Variants in RNF144B observed in about 807,000 individuals in gnomAD.
RNF144B encodes the protein E3 ubiquitin-protein ligase RNF144B.
In RNF144B, 25 loss-of-function variants were observed where a neutral mutation model predicts 40.2. The ratio of observed to expected loss-of-function variants is 0.62; its 90% CI spans 0.45 to 0.87. RNF144B has a LOEUF of 0.87. RNF144B is among the 40% of genes least tolerant of loss of function. RNF144B has a pLI of 0.00. For missense variants in RNF144B, 365 were observed against 373.7 expected (o/e 0.98, Z 0.19); for synonymous variants, 145 against 136.3 (o/e 1.06, Z -0.44).
rs749812280 is a variant in RNF144B at position 18,434,422 on chromosome 6, G to A, written c.271-5262G>A. Among the ~76,000 whole-genome samples, 4 of 151,922 alleles carry A rather than the reference G, an allele frequency of 2.6e-5. No homozygotes were observed. Among genetic ancestry groups the A allele is most frequent in the Non-Finnish European group, 5.9e-5 (4 of 68,004 alleles). On this transcript the variant is annotated intron_variant, in intron 3 of 7. Coordinates refer to ENST00000259939, the MANE Select transcript of RNF144B (RefSeq NM_182757.4). The surrounding 1 kb of genome is among the most constrained non-coding windows in gnomAD (Gnocchi z 4.1). ...TGATGCTTGTTTAAATATTATGATC[G>A]TGGTTAATACTGATTAACAGGTGTG...
Position 18,416,191 on chromosome 6 carries a change from C to G in RNF144B, c.166-11390C>G, listed in dbSNP as rs1420792691. The stretch of plus-strand genomic sequence containing the variant: ...AAGATAGCACCTGGGCCAGAGGGAT[C>G]TCTTTGGGATTAGTATAAAAAGTGG... On this transcript the variant is annotated intron_variant, in intron 2 of 7. Transcript: ENST00000259939. The surrounding 1 kb of genome is among the most constrained non-coding windows in gnomAD (Gnocchi z 5.5). 6.6e-6 allele frequency among the ~76,000 whole-genome samples: 1 copy of G among 152,156 alleles called. No individual in the cohort carries two copies. Among genetic ancestry groups the G allele is most frequent in the Non-Finnish European group, 1.5e-5 (1 of 68,032 alleles).
chr6:18,388,556 C>T (rs1232884386), intron 1 of RNF144B, among the ~76,000 whole-genome samples: 1 of 152,214 alleles, frequency 6.6e-6, no homozygotes, highest in Non-Finnish European at 1.5e-5. Context: ...GCAGCTTTCA[C>T]TGAAATGAGC....
rs370354827 is a variant in RNF144B, at chr6:18,444,091, A to C, written c.331+4347A>C. ...CTTTAGCTTGTTGTTCAGTGTGTGA[A>C]TTGTCCTCTGCTTTGTGTTACGTAT... On this transcript the variant is annotated intron_variant, in intron 4 of 7. Coordinates refer to ENST00000259939, the MANE Select transcript of RNF144B (RefSeq NM_182757.4). The surrounding 1 kb of genome is among the most constrained non-coding windows in gnomAD (Gnocchi z 4.3). Among the ~76,000 whole-genome samples the C allele has an allele frequency of 2.4e-4, 37 of 152,208 alleles. No homozygotes were observed. The highest frequency in any genetic ancestry group is 2.3e-3 in the Admixed American group (35 of 15,284).
In RNF144B at chr6:18,465,407, C is replaced by A. The variant is rs185293136; in HGVS notation, c.*340C>A. 1,434 of 235,026 alleles carry A rather than the reference C, an allele frequency of 6.1e-3. 7 individuals are homozygous for A. Among genetic ancestry groups the A allele is most frequent in the Non-Finnish European group, 8.7e-3 (1,059 of 121,152 alleles). The allele number at this position is 235,026 out of a possible 1,614,324, so 14.6% of individuals were successfully genotyped here. A position where few individuals can be genotyped will look rare whatever the true frequency, so the allele number is the denominator to read the frequency against. On this transcript the variant is annotated 3_prime_UTR_variant, in exon 8 of 8. Coordinates refer to ENST00000259939, the MANE Select transcript of RNF144B (RefSeq NM_182757.4). ...GAGCTTGCGGGAACATTTGATATAA[C>A]AAATGTGTTGTCATTGTTGGCAACA...
At position 18,457,172 on chromosome 6, in the gene RNF144B, T is replaced by G. The variant is rs1039956809; in HGVS notation, c.349T>G (p.Tyr117Asp). The change falls in exon 5 of 8, where the codon TAC becomes GAC. Residue 117 changes from tyrosine (Y) to aspartate (D), a missense_variant. Physicochemically the swap from Tyr to Asp is radical, Grantham distance 160. Transcript: ENST00000259939. This position sits in a 1 kb window ranked among gnomAD's most constrained non-coding sequence, Gnocchi z 5.1. ...CACTTTAGAAGTTCATCTGGACCCCTACCGAACATGGTGTCCTGTTGCAGA... is the reference window on the plus strand; with the variant it reads ...CACTTTAGAAGTTCATCTGGACCCCGACCGAACATGGTGTCCTGTTGCAGA... Reference protein sequence around the residue: ...KFEREVHLDPYRTWCPVADCQ... With the variant: ...KFEREVHLDPDRTWCPVADCQ... 6.8e-6 allele frequency: 11 copies of G among 1,613,492 alleles called. No individual in the cohort carries two copies. The African/African-American group carries it at 1.1e-4, about 16-fold the overall frequency.
chr6:18,438,366 A>AG (rs1292942925), intron 3 of RNF144B, among the ~76,000 whole-genome samples: 8 of 152,128 alleles, frequency 5.3e-5, no homozygotes, highest in African/African-American at 1.7e-4. Flanking sequence ...TATTGCGCAT[A>AG]ATTTTTTTTG....
rs1057096610 is a variant in RNF144B, at chr6:18,460,029, T to C, written c.681+278T>C. Among the ~76,000 whole-genome samples, 2 of 152,214 alleles carry C rather than the reference T, an allele frequency of 1.3e-5. No individual in the cohort carries two copies. The highest frequency in any genetic ancestry group is 2.4e-5 in the African/African-American group (1 of 41,454). ...TCTCTATTATGTAAAGGACTATTAG[T>C]GTCTTCATTTTATATTGCTGTTGTA... is the stretch of plus-strand genomic sequence containing the variant. On this transcript the variant is annotated intron_variant, in intron 6 of 7. Coordinates refer to ENST00000259939, the MANE Select transcript of RNF144B (RefSeq NM_182757.4). This position sits in a 1 kb window ranked among gnomAD's most constrained non-coding sequence, Gnocchi z 4.4.
chr6:18,394,522 C>T (rs888131315), intron 1 of RNF144B, among the ~76,000 whole-genome samples: 2 of 151,714 alleles, frequency 1.3e-5, no homozygotes, highest in Admixed American at 6.6e-5. Flanking sequence ...TGGTTGAACC[C>T]GGGAGGTGGA....
Position 18,427,596 on chromosome 6 carries a change from A to G in RNF144B, c.181A>G (p.Met61Val), listed in dbSNP as rs1420263761. The G allele has an allele frequency of 1.2e-6, 2 of 1,613,480 alleles. No homozygotes were observed. The stretch of plus-strand genomic sequence containing the variant: ...TAACTTCCAGTGCCTGAAACAGTAC[A>G]TGCAGCTGGCAATCCGAGAAGGATG... ...IFCTACLKQY[M>V]QLAIREGCGS... Residue 61 changes from methionine (M) to valine (V), a missense_variant, in exon 3 of 8, where the codon ATG becomes GTG. By Grantham distance (21) the Met-to-Val change is conservative. Coordinates refer to ENST00000259939, the MANE Select transcript of RNF144B (RefSeq NM_182757.4).
rs892593984 is a variant in RNF144B at position 18,410,971 on chromosome 6, CTTTTT to C, written c.165+11277_165+11281del. 6.8e-6 allele frequency among the ~76,000 whole-genome samples: 1 copy of C among 146,116 alleles called. No homozygotes were observed. The highest frequency in any genetic ancestry group is 2.5e-5 in the African/African-American group (1 of 39,562). On this transcript the variant is annotated intron_variant, in intron 2 of 7. Transcript: ENST00000259939. The surrounding 1 kb of genome is among the most constrained non-coding windows in gnomAD (Gnocchi z 4.6). ...TTTGGGATACTGTCAGCTTTCTTTT[CTTTTT>C]TTTTCTTCTTTTCTTTTCTTTTTTT... is the stretch of plus-strand genomic sequence containing the variant.
intron 1 of RNF144B, among the ~76,000 whole-genome samples, chr6:18,397,248 T>A (rs1395050106): frequency 6.6e-6 from 1 of 152,246 alleles, no homozygotes; most frequent in Non-Finnish European, 1.5e-5. Context: ...CCCTACTTGT[T>A]TTAGTACTTT....
At chr6:18,461,309 T>C (rs1310904848) in intron 6 of RNF144B, among the ~76,000 whole-genome samples, 2 of 152,230 alleles carry the variant, frequency 1.3e-5, no homozygotes, top group African/African-American at 4.8e-5. Context: ...TACAATTATG[T>C]TTGATATTTA....
chr6:18,389,434 A>G (rs1794538318), intron 1 of RNF144B, among the ~76,000 whole-genome samples: 1 of 152,164 alleles, frequency 6.6e-6, no homozygotes. Flanking sequence ...AGTAGTATGA[A>G]TATTTTTCAT....
chr6:18,417,598 A>G (rs1181420852), intron 2 of RNF144B, among the ~76,000 whole-genome samples: 1 of 152,136 alleles, frequency 6.6e-6, no homozygotes, highest in African/African-American at 2.4e-5. Context: ...CCATACACCT[A>G]TAACAGCTGA....
chr6:18,426,254 A>C (rs906032802), intron 2 of RNF144B, among the ~76,000 whole-genome samples: 3 of 152,202 alleles, frequency 2.0e-5, no homozygotes, highest in African/African-American at 7.2e-5. Flanking sequence ...AATAATCACC[A>C]CTTTGTAAGA....
chr6:18,427,552 G>T (rs1357691773), intron 2 of RNF144B, 29 bp from the exon 3 acceptor site: 5 of 1,496,538 alleles, frequency 3.3e-6, no homozygotes, highest in East Asian at 2.3e-5. Context: ...AATGGAATGG[G>T]CAATTGTCTT....
intron 4 of RNF144B, among the ~76,000 whole-genome samples, chr6:18,453,132 G>C (rs1304610977): frequency 8.0e-6 from 1 of 125,460 alleles, no homozygotes; most frequent in African/African-American, 2.9e-5. Flanking sequence ...TACTCTTTCT[G>C]TCTGCTTTTT....
chr6:18,414,779 T>C lies in RNF144B; in HGVS notation c.166-12802T>C, dbSNP rs906422507. 6.6e-6 allele frequency among the ~76,000 whole-genome samples: 1 copy of C among 152,202 alleles called. No homozygotes were observed. The highest frequency in any genetic ancestry group is 2.4e-5 in the African/African-American group (1 of 41,468). ...ATCTTTTGCTTTTAGTTTTAAAATA[T>C]TGTACAACATCCTGTTTCTATTCTT... On this transcript the variant is annotated intron_variant, in intron 2 of 7. Transcript: ENST00000259939. This position sits in a 1 kb window ranked among gnomAD's most constrained non-coding sequence, Gnocchi z 4.9.
rs371825857 is a variant in RNF144B at position 18,440,317 on chromosome 6, G to A, written c.331+573G>A. Among the ~76,000 whole-genome samples, 8 of 152,122 alleles carry A rather than the reference G, an allele frequency of 5.3e-5. No homozygotes were observed. In the East Asian group the frequency reaches 7.7e-4, roughly 15 times the overall value. On this transcript the variant is annotated intron_variant, in intron 4 of 7. Coordinates refer to ENST00000259939, the MANE Select transcript of RNF144B (RefSeq NM_182757.4). ...TAAGAATTATATTTTTACTTCATTT[G>A]GCTTTTGACAGGTCTTTTTTAGGAG...
Sources: allele counts gnomAD v4.1 joint callset (sites outside exome capture counted in the v4.1 genomes callset), GRCh38; gene constraint gnomAD v4.1.1; non-coding constraint Gnocchi (gnomAD v3.1); transcripts MANE v1.5; gene names NCBI Gene and HGNC (gene_info 2026-07-23, HGNC 2026-07-21).